TRIM5: variants seen among roughly 807,000 people sequenced by gnomAD.
The protein encoded by TRIM5 is tripartite motif-containing protein 5.
TRIM5 carries 31 observed loss-of-function variants against 35.6 expected under a neutral mutation model. That is an observed-to-expected ratio of 0.87 (90% CI 0.65 to 1.18). TRIM5 has a LOEUF of 1.18. Among genes scored for constraint, TRIM5 ranks in the 50% most tolerant of loss-of-function variants. TRIM5 has a pLI of 0.00. For synonymous variants in TRIM5, 243 were observed against 215.6 expected (o/e 1.13, Z -1.11); for missense variants, 609 against 591.6 (o/e 1.03, Z -0.31).
the TRIM5 span, among the ~76,000 whole-genome samples, chr11:5,646,371 G>GCATGC: frequency 6.6e-6 from 1 of 152,132 alleles, no homozygotes; most frequent in African/African-American, 2.4e-5. Context: ...GCGAATAATA[G>GCATGC]CATGAAACAG....
rs956760476 is a variant in TRIM5 at position 5,665,113 on chromosome 11, T to A, written c.1178A>T (p.Tyr393Phe). 9.9e-6 allele frequency: 16 copies of A among 1,614,012 alleles called. No individual in the cohort carries two copies. The highest frequency in any genetic ancestry group is 4.5e-5 in the East Asian group (2 of 44,894). The change falls in exon 8 of 8, where the codon TAT becomes TTT. Residue 393 changes from tyrosine to phenylalanine, a missense_variant. Tyr to Phe is a conservative substitution (Grantham distance 22). Coordinates refer to ENST00000380034, the MANE Select transcript of TRIM5 (RefSeq NM_033034.3). ...AACCCAGTAGCCGTATTTAGGTTGA[T>A]AATTTTCATTTTTTTCAATATTACA... is the stretch of plus-strand genomic sequence containing the variant. ...AMCNIEKNEN[Y>F]QPKYGYWVIG...
At chr11:5,684,445 A>G (rs2133256) in intron 1 of TRIM5, among the ~76,000 whole-genome samples, 81,092 of 152,068 alleles carry the variant, frequency 0.53, 21,641 homozygotes, top group Non-Finnish European at 0.54. Flanking sequence ...GGACTACAGA[A>G]CTGGACAGCT....
At chr11:5,665,739 T>TC in intron 6 of TRIM5, 57 bp from the exon 7 acceptor site, 1 of 1,473,220 alleles carries the variant, frequency 6.8e-7, no homozygotes, top group Non-Finnish European at 9.0e-7. Flanking sequence ...GCACTGAAAT[T>TC]CATTTTCTCT....
chr11:5,670,415 C>T (rs573585979), intron 4 of TRIM5, among the ~76,000 whole-genome samples: 17 of 151,766 alleles, frequency 1.1e-4, no homozygotes, highest in East Asian at 3.9e-4. Flanking sequence ...TCGATCCGCC[C>T]GCCTCGGCCT....
At chr11:5,668,708 C>G (rs571517586) in intron 4 of TRIM5, among the ~76,000 whole-genome samples, 1 of 152,220 alleles carries the variant, frequency 6.6e-6, no homozygotes, top group Admixed American at 6.5e-5. Flanking sequence ...CCTTGGCCTC[C>G]CAAAGTGCTG....
the TRIM5 span, among the ~76,000 whole-genome samples, chr11:5,599,906 A>G: frequency 1.3e-5 from 2 of 152,202 alleles, no homozygotes; most frequent in Non-Finnish European, 2.9e-5. Context: ...TATTGCCTCT[A>G]GAGCCTCTAT....
chr11:5,641,976 TCA>T, the TRIM5 span, among the ~76,000 whole-genome samples: 1 of 152,162 alleles, frequency 6.6e-6, no homozygotes, highest in Admixed American at 6.5e-5. Context: ...GAGCCCCGTA[TCA>T]CAGTCAGGAT....
intron 4 of TRIM5, among the ~76,000 whole-genome samples, chr11:5,674,087 G>A (rs918372025): frequency 6.6e-6 from 1 of 152,018 alleles, no homozygotes; most frequent in Non-Finnish European, 1.5e-5. Flanking sequence ...GCAGCAAAAA[G>A]CCTTTTTAAT....
chr11:5,593,490 T>C, the TRIM5 span, among the ~76,000 whole-genome samples: 1 of 152,182 alleles, frequency 6.6e-6, no homozygotes, highest in Non-Finnish European at 1.5e-5. Context: ...TATTCGAGCA[T>C]ATTAGAGATT....
chr11:5,639,371 C>T, the TRIM5 span, among the ~76,000 whole-genome samples: 2 of 152,110 alleles, frequency 1.3e-5, no homozygotes, highest in South Asian at 4.1e-4. Flanking sequence ...AAAACAGCAC[C>T]TATGTGTGAG....
chr11:5,637,470 T>G, the TRIM5 span, among the ~76,000 whole-genome samples: 2 of 152,234 alleles, frequency 1.3e-5, no homozygotes, highest in Non-Finnish European at 2.9e-5. Flanking sequence ...TACTTTGATT[T>G]TTAATGCTTT....
chr11:5,608,397 A>T, the TRIM5 span: 3 of 1,613,660 alleles, frequency 1.9e-6, no homozygotes, highest in Non-Finnish European at 2.5e-6. Context: ...ACAGAAAGGT[A>T]TGTGTAAGGA....
At chr11:5,593,525 A>C in the TRIM5 span, among the ~76,000 whole-genome samples, 1 of 151,184 alleles carries the variant, frequency 6.6e-6, no homozygotes, top group Non-Finnish European at 1.5e-5. Flanking sequence ...CTATCTCCTG[A>C]GTTTGTATTT....
chr11:5,634,587 A>C, the TRIM5 span: 1 of 1,577,472 alleles, frequency 6.3e-7, no homozygotes. Flanking sequence ...AATAGGCCTT[A>C]GCCTGACAAA....
At chr11:5,657,210 A>G in the TRIM5 span, among the ~76,000 whole-genome samples, 1 of 152,014 alleles carries the variant, frequency 6.6e-6, no homozygotes, top group Non-Finnish European at 1.5e-5. Flanking sequence ...CTAACACAGG[A>G]ACAGAAAACC....
At chr11:5,661,271 C>T (rs1424951620), downstream of TRIM5, among the ~76,000 whole-genome samples, 1 of 151,990 alleles carries the variant, frequency 6.6e-6, no homozygotes, top group Non-Finnish European at 1.5e-5. Context: ...GAGCTCTCCT[C>T]TGCCCGATGC....
At chr11:5,679,296 T>A in intron 2 of TRIM5, 127 bp from the exon 3 acceptor site, 1 of 781,374 alleles carries the variant, frequency 1.3e-6, no homozygotes, top group Non-Finnish European at 2.1e-6. Context: ...AGAATGGCAA[T>A]GAGAATCCAT....
the TRIM5 span, chr11:5,604,435 C>G: frequency 7.4e-7 from 1 of 1,346,464 alleles, no homozygotes; most frequent in Non-Finnish European, 1.0e-6. Flanking sequence ...GGACAGGCTT[C>G]TTTTGAGGTT....
chr11:5,596,783 C>G, the TRIM5 span: 3 of 1,545,918 alleles, frequency 1.9e-6, no homozygotes, highest in Non-Finnish European at 2.7e-6. Context: ...AGATAAAAGC[C>G]GAGTGAGCGC....
Sources: gnomAD v4.1 joint callset for allele counts (sites outside exome capture counted in the v4.1 genomes callset) on GRCh38, gnomAD v4.1.1 for gene constraint, MANE v1.5 for transcripts, NCBI Gene and HGNC (gene_info 2026-07-23, HGNC 2026-07-21) for gene names.